The following PPM1A variants were observed in gnomAD, a reference collection of about 807,000 sequenced individuals.
PPM1A encodes the protein protein phosphatase 1A.
Under a neutral mutation model 35.0 loss-of-function variants are expected in PPM1A, and 7 were observed. That is an observed-to-expected ratio of 0.20 (90% CI 0.11 to 0.38). The LOEUF (loss-of-function observed/expected upper bound fraction) is 0.38. Among genes scored for constraint, PPM1A ranks in the 10% least tolerant of loss-of-function variants. The pLI is 1.00. For synonymous variants in PPM1A, 153 were observed against 167.3 expected (o/e 0.91, Z 0.66); for missense variants, 239 against 467.8 (o/e 0.51, Z 4.51).
chr14:60,268,781 AT>A (rs1294922174), intron 1 of PPM1A, among the ~76,000 whole-genome samples: 1 of 151,878 alleles, frequency 6.6e-6, no homozygotes, highest in Non-Finnish European at 1.5e-5. Flanking sequence ...GTTTCTAAAT[AT>A]TCTATAATTG....
intron 1 of PPM1A, among the ~76,000 whole-genome samples, chr14:60,260,740 T>C (rs138875930): frequency 1.4e-3 from 219 of 152,304 alleles, no homozygotes; most frequent in African/African-American, 5.1e-3. Context: ...GTCTATAGAT[T>C]TGTCTAGTTT....
At chr14:60,258,354 C>G (rs1883372226) in intron 1 of PPM1A, among the ~76,000 whole-genome samples, 1 of 152,060 alleles carries the variant, frequency 6.6e-6, no homozygotes, top group Non-Finnish European at 1.5e-5. Context: ...GTAGAGAAAA[C>G]TTTAGAAAAA....
intron 1 of PPM1A, among the ~76,000 whole-genome samples, chr14:60,268,010 T>C (rs1566582276): frequency 6.6e-6 from 1 of 152,110 alleles, no homozygotes; most frequent in Non-Finnish European, 1.5e-5. Context: ...ATTATCAAAT[T>C]TAGGAAATTT....
At chr14:60,272,690 CAAAAAAA>C (rs34892158) in intron 1 of PPM1A, among the ~76,000 whole-genome samples, 7 of 68,596 alleles carry the variant, frequency 1.0e-4, no homozygotes, top group East Asian at 1.4e-3. Flanking sequence ...GACTCTGTCT[CAAAAAAA>C]AAAAAAAAAA....
At chr14:60,250,350 G>C in intron 1 of PPM1A, 3 of 800,322 alleles carry the variant, frequency 3.7e-6, no homozygotes, top group Non-Finnish European at 4.5e-6. Context: ...GTTAGAGCTT[G>C]GTTGAGGTAT....
intron 3 of PPM1A, chr14:60,286,299 A>T: frequency 1.0e-6 from 1 of 985,836 alleles, no homozygotes; most frequent in Non-Finnish European, 1.2e-6. Flanking sequence ...AGACCTCAAT[A>T]AAAGACATAA....
At chr14:60,265,423 G>C (rs562253097) in intron 1 of PPM1A, among the ~76,000 whole-genome samples, 1 of 152,102 alleles carries the variant, frequency 6.6e-6, no homozygotes, top group African/African-American at 2.4e-5. Context: ...GGCCATCTCT[G>C]TTACTTGAGC....
intron 3 of PPM1A, chr14:60,286,996 A>G (rs1887087836): frequency 1.1e-6 from 1 of 896,966 alleles, no homozygotes; most frequent in South Asian, 5.1e-5. Context: ...CATTGGTTCA[A>G]ACTATTGATT....
At chr14:60,261,863 C>T (rs1311431827) in intron 1 of PPM1A, among the ~76,000 whole-genome samples, 1 of 152,144 alleles carries the variant, frequency 6.6e-6, no homozygotes, top group Non-Finnish European at 1.5e-5. Flanking sequence ...AGTGATAAAT[C>T]ACATATAGGT....
intron 1 of PPM1A, among the ~76,000 whole-genome samples, chr14:60,281,150 A>G (rs1026046955): frequency 3.3e-5 from 5 of 152,204 alleles, no homozygotes; most frequent in African/African-American, 9.6e-5. Context: ...AGGTGTCATT[A>G]TTACGTTATC....
At chr14:60,286,911 A>C in intron 3 of PPM1A, 4 of 937,760 alleles carry the variant, frequency 4.3e-6, no homozygotes, top group Non-Finnish European at 5.1e-6. Flanking sequence ...TGGAATTTTT[A>C]TATTTTAAAT....
rs1001239885 is a variant in PPM1A at position 60,298,853 on chromosome 14, G to A, written c.*6371G>A. The A allele has an allele frequency of 3.3e-5, 5 of 151,790 alleles. No individual in the cohort carries two copies. The highest frequency in any genetic ancestry group is 9.7e-5 in the African/African-American group (4 of 41,412). The allele number at this position is 151,790 out of a possible 1,614,324, so 9.4% of individuals were successfully genotyped here. ...AACTCACCCACTTTGCAGTTTATGT[G>A]ATCCACACTTTTAAAGAAATTCCAT... On this transcript the variant is annotated 3_prime_UTR_variant, in exon 6 of 6. Coordinates refer to ENST00000395076, the MANE Select transcript of PPM1A (RefSeq NM_021003.5).
chr14:60,286,017 C>T (rs1886966446), intron 3 of PPM1A: 13 of 1,067,320 alleles, frequency 1.2e-5, no homozygotes, highest in Non-Finnish European at 1.4e-5. Context: ...CTTTAAAATT[C>T]TTAATGAATT....
intron 1 of PPM1A, among the ~76,000 whole-genome samples, chr14:60,269,814 G>C (rs1208463253): frequency 1.3e-5 from 2 of 152,206 alleles, no homozygotes; most frequent in African/African-American, 4.8e-5. Context: ...CTCCCAAAGT[G>C]CTGGGATTAT....
At position 60,273,806 on chromosome 14, in the gene PPM1A, TAGAG is replaced by T. The variant is rs1292227753; in HGVS notation, c.-20-8873_-20-8870del. ...GATGATGGACTGATGGGAGATGAGG[TAGAG>T]AGAGGTATCAAAGATATCCTTAGTT... On this transcript the variant is annotated intron_variant, in intron 1 of 5. Transcript: ENST00000395076. The surrounding 1 kb of genome is among the most constrained non-coding windows in gnomAD (Gnocchi z 4.3). Among the ~76,000 whole-genome samples the T allele has an allele frequency of 2.0e-5, 3 of 151,980 alleles. No homozygotes were observed. The highest frequency in any genetic ancestry group is 4.4e-5 in the Non-Finnish European group (3 of 67,986).
At chr14:60,281,666 A>G (rs1281210158) in intron 1 of PPM1A, among the ~76,000 whole-genome samples, 1 of 152,122 alleles carries the variant, frequency 6.6e-6, no homozygotes, top group African/African-American at 2.4e-5. Flanking sequence ...TACATTTCTA[A>G]GCTATTGTTC....
chr14:60,255,256 C>G (rs539571899), intron 1 of PPM1A, among the ~76,000 whole-genome samples: 1 of 147,888 alleles, frequency 6.8e-6, no homozygotes, highest in Admixed American at 6.7e-5. Context: ...ACTGCAAGCT[C>G]CGCCTCCCGG....
intron 1 of PPM1A, among the ~76,000 whole-genome samples, chr14:60,275,270 T>C (rs2139476536): frequency 6.6e-6 from 1 of 151,914 alleles, no homozygotes; most frequent in East Asian, 1.9e-4. Flanking sequence ...GGATACAGGA[T>C]AGCACATGTA....
intron 1 of PPM1A, chr14:60,277,080 AT>A (rs1885854781): frequency 1.7e-6 from 2 of 1,174,936 alleles, no homozygotes; most frequent in Non-Finnish European, 1.1e-6. Flanking sequence ...TCAAGAACAG[AT>A]TTATGACTAG....
Sources: allele counts gnomAD v4.1 joint callset (sites outside exome capture counted in the v4.1 genomes callset), GRCh38; gene constraint gnomAD v4.1.1; non-coding constraint Gnocchi (gnomAD v3.1); transcripts MANE v1.5; gene names NCBI Gene and HGNC (gene_info 2026-07-23, HGNC 2026-07-21).